The following ZNF678 variants were observed in gnomAD, a reference collection of about 807,000 sequenced individuals.
The protein encoded by ZNF678 is hypothetical protein MGC42493.
In ZNF678, 5 loss-of-function variants were observed where a neutral mutation model predicts 3.0. The observed-to-expected ratio is 1.69, with a 90% confidence interval of 0.88 to 3.56. ZNF678 has a LOEUF of 3.56. Ranked by LOEUF, ZNF678 falls within the 30% of genes most tolerant of loss-of-function variation. The pLI is 0.00. For missense variants in ZNF678, 593 were observed against 605.0 expected (o/e 0.98, Z 0.21); for synonymous variants, 218 against 199.6 (o/e 1.09, Z -0.78).
intron 1 of ZNF678, among the ~76,000 whole-genome samples, chr1:227,589,240 C>T (rs1012317232): frequency 6.6e-6 from 1 of 151,694 alleles, no homozygotes; most frequent in African/African-American, 2.4e-5. Context: ...AATGGTACTA[C>T]CTAGATTTTC....
At chr1:227,650,893 T>C in intron 2 of ZNF678, 63 bp from the exon 3 acceptor site, 2 of 1,317,384 alleles carry the variant, frequency 1.5e-6, no homozygotes, top group Non-Finnish European at 2.1e-6. Flanking sequence ...GCAGTATTTT[T>C]ACTTCTTTCT....
chr1:227,592,630 AC>A (rs900810942), intron 1 of ZNF678, among the ~76,000 whole-genome samples: 1 of 152,196 alleles, frequency 6.6e-6, no homozygotes, highest in African/African-American at 2.4e-5. Flanking sequence ...ATTAACTGTC[AC>A]CCACTAAAAT....
At chr1:227,651,481 G>A (rs1425472428) in intron 3 of ZNF678, among the ~76,000 whole-genome samples, 4 of 152,146 alleles carry the variant, frequency 2.6e-5, no homozygotes, top group South Asian at 2.1e-4. Flanking sequence ...ATCTATGGCC[G>A]TGAATGAGCA....
At chr1:227,589,406 T>C (rs1354241488) in intron 1 of ZNF678, among the ~76,000 whole-genome samples, 1 of 151,768 alleles carries the variant, frequency 6.6e-6, no homozygotes, top group Admixed American at 6.6e-5. Context: ...TAGGGAATCT[T>C]TTCCCAATTG....
intron 1 of ZNF678, among the ~76,000 whole-genome samples, chr1:227,596,245 A>G (rs965718798): frequency 5.9e-5 from 9 of 152,190 alleles, no homozygotes; most frequent in African/African-American, 1.9e-4. Flanking sequence ...CAATCACCTC[A>G]CTTCCCAGTC....
chr1:227,645,648 G>C (rs984368088), intron 1 of ZNF678, among the ~76,000 whole-genome samples: 23 of 152,184 alleles, frequency 1.5e-4, no homozygotes, highest in Admixed American at 1.2e-3. Flanking sequence ...ATGGATTTGG[G>C]TCCTTGGATT....
At chr1:227,569,679 A>C (rs1238034494) in intron 1 of ZNF678, among the ~76,000 whole-genome samples, 1 of 152,146 alleles carries the variant, frequency 6.6e-6, no homozygotes, top group Non-Finnish European at 1.5e-5. Flanking sequence ...TTATTAGTTT[A>C]AGCTATTTCT....
At chr1:227,674,892 A>G (rs1044992205) in intron 5 of ZNF678, among the ~76,000 whole-genome samples, 1 of 152,040 alleles carries the variant, frequency 6.6e-6, no homozygotes, top group African/African-American at 2.4e-5. Flanking sequence ...CACGCAGCCT[A>G]TTTTTCTATT....
chr1:227,662,773 T>A (rs1659437756), downstream of ZNF678, among the ~76,000 whole-genome samples: 2 of 152,316 alleles, frequency 1.3e-5, no homozygotes, highest in South Asian at 4.1e-4. Context: ...GGGGACACTA[T>A]ACTTGCCACA....
At chr1:227,608,521 A>C (rs1374058395) in intron 1 of ZNF678, among the ~76,000 whole-genome samples, 1 of 150,774 alleles carries the variant, frequency 6.6e-6, no homozygotes, top group East Asian at 1.9e-4. Context: ...CATATTAAAA[A>C]TCATCACATT....
intron 5 of ZNF678, among the ~76,000 whole-genome samples, chr1:227,674,544 ATTTAAG>A (rs1360385075): frequency 1.4e-5 from 2 of 143,912 alleles, no homozygotes; most frequent in South Asian, 2.2e-4. Flanking sequence ...TATGTAAATT[ATTTAAG>A]TTTATTTGGA....
intron 1 of ZNF678, among the ~76,000 whole-genome samples, chr1:227,600,290 T>C (rs2102748905): frequency 1.3e-5 from 2 of 152,372 alleles, no homozygotes; most frequent in Admixed American, 1.3e-4. Context: ...TGTGTCTTTA[T>C]GATAGAATGA....
rs1659294058 is a variant in ZNF678 at position 227,657,988 on chromosome 1, A to G, written c.*2160A>G. On this transcript the variant is annotated 3_prime_UTR_variant, in exon 4 of 4. Transcript: ENST00000343776. The stretch of plus-strand genomic sequence containing the variant: ...GTATAGTTTTCTCATTCCAAAGTTC[A>G]TGAAATTTTCTCTATATTCCTGAGA... The G allele has an allele frequency of 6.6e-6, 1 of 151,988 alleles. No individual in the cohort carries two copies. Among genetic ancestry groups the G allele is most frequent in the Non-Finnish European group, 1.5e-5 (1 of 67,918 alleles). 9.4% of individuals were successfully genotyped at this position (151,988 alleles called of 1,614,324 possible).
chr1:227,628,655 C>T (rs1658475986), intron 1 of ZNF678, among the ~76,000 whole-genome samples: 1 of 152,244 alleles, frequency 6.6e-6, no homozygotes, highest in Non-Finnish European at 1.5e-5. Flanking sequence ...AGAGCTGAGC[C>T]TCTGGTTTGG....
At chr1:227,565,555 G>A (rs551572094) in intron 1 of ZNF678, among the ~76,000 whole-genome samples, 2 of 151,914 alleles carry the variant, frequency 1.3e-5, no homozygotes, top group East Asian at 3.9e-4. Context: ...GTAGAGATTG[G>A]GTTTCGCTAG....
intron 1 of ZNF678, among the ~76,000 whole-genome samples, chr1:227,600,686 G>A (rs1473931062): frequency 6.6e-6 from 1 of 152,016 alleles, no homozygotes; most frequent in Non-Finnish European, 1.5e-5. Flanking sequence ...AATATGAGAC[G>A]TTTGTCAGAT....
In ZNF678 at chr1:227,654,543, A is replaced by G; in HGVS notation, c.293A>G (p.Gln98Arg). ...QCSSTKSKIF[Q>R]CIECGRNFSW... ...TCATCAACTAAAAGCAAAATCTTTC[A>G]ATGTATTGAATGTGGCAGAAATTTT... The change falls in exon 4 of 4, where the codon CAA becomes CGA. Residue 98 changes from glutamine to arginine, a missense_variant. By Grantham distance (43) the Gln-to-Arg change is conservative. Transcript: ENST00000343776. 1 of 1,613,394 alleles carries G rather than the reference A, an allele frequency of 6.2e-7. No homozygotes were observed. The highest frequency in any genetic ancestry group is 1.7e-5 in the Admixed American group (1 of 59,882).
chr1:227,578,668 G>T (rs921040399), intron 1 of ZNF678, among the ~76,000 whole-genome samples: 1 of 152,048 alleles, frequency 6.6e-6, no homozygotes, highest in South Asian at 2.1e-4. Flanking sequence ...TAGCTTTCTT[G>T]CATTAGGTTT....
chr1:227,591,292 A>G (rs192027146), intron 1 of ZNF678, among the ~76,000 whole-genome samples: 2 of 147,550 alleles, frequency 1.4e-5, no homozygotes, highest in East Asian at 1.9e-4. Context: ...GGTTATTACT[A>G]GTTCTAAGGG....
Sources: allele counts gnomAD v4.1 joint callset (sites outside exome capture counted in the v4.1 genomes callset), GRCh38; gene constraint gnomAD v4.1.1; transcripts MANE v1.5; gene names NCBI Gene and HGNC (gene_info 2026-07-23, HGNC 2026-07-21).